The following TTN variants were observed in gnomAD, a reference collection of about 807,000 sequenced individuals.
TTN encodes the protein titin.
Under a neutral mutation model 3,223.0 loss-of-function variants are expected in TTN, and 1,525 were observed. The ratio of observed to expected loss-of-function variants is 0.47; its 90% confidence interval spans 0.45 to 0.49. The LOEUF (loss-of-function observed/expected upper bound fraction) is 0.49. Ranked by LOEUF, TTN falls within the 20% of genes least tolerant of loss-of-function variation. TTN has a pLI of 0.00. For synonymous variants in TTN, 14,094 were observed against 15,161.0 expected (o/e 0.93, Z 5.17); for missense variants, 40,786 against 43,424.0 (o/e 0.94, Z 5.40).
In TTN at chr2:178,593,758, A is replaced by G; in HGVS notation, c.58542T>C (p.Asn19514=). ...CCACTTCCTTCTTCTCAATAATATA[A>G]TTGGTGATTTTACTGCCTCCATCAT... ...PLDDGGSKIT[N]YIIEKKEVGK... Residue 19514 remains asparagine (N), a synonymous_variant, in exon 298 of 363, where the codon AAT becomes AAC. Coordinates refer to ENST00000589042, the MANE Select transcript of TTN (RefSeq NM_001267550.2). 2 of 1,613,238 alleles carry G rather than the reference A, an allele frequency of 1.2e-6. No individual in the cohort carries two copies. The highest frequency in any genetic ancestry group is 1.7e-6 in the Non-Finnish European group (2 of 1,179,602).
At position 178,768,003 on chromosome 2, in the gene TTN, A is replaced by C; in HGVS notation, c.9305+11T>G. 2.5e-6 allele frequency: 4 copies of C among 1,614,148 alleles called. No individual in the cohort carries two copies. The highest frequency in any genetic ancestry group is 3.4e-6 in the Non-Finnish European group (4 of 1,180,012). On this transcript the variant is annotated intron_variant, in intron 39 of 362. Coordinates refer to ENST00000589042, the MANE Select transcript of TTN (RefSeq NM_001267550.2). ...GGAATTACTGGAATGTAGCAAGACA[A>C]AACAACTGACCTGTCTGTGATCTGC... is the stretch of plus-strand genomic sequence containing the variant.
chr2:178,543,854 G>A lies in TTN; in HGVS notation c.96290C>T (p.Thr32097Ile), dbSNP rs1559126683. ...AENQSGKKSA[T>I]VLVKVYDTPG... ...CTTACCATAGACTTTAACAAGGACTGTTGCTGATTTCTTGCCAGATTGGTT... is the reference window on the plus strand; with the variant it reads ...CTTACCATAGACTTTAACAAGGACTATTGCTGATTTCTTGCCAGATTGGTT... Residue 32097 changes from threonine (T) to isoleucine (I), a missense_variant, in exon 346 of 363, where the codon ACA becomes ATA. By Grantham distance (89) the Thr-to-Ile change is moderately conservative (BLOSUM62 -1). Coordinates refer to ENST00000589042, the MANE Select transcript of TTN (RefSeq NM_001267550.2). 1 of 1,613,662 alleles carries A rather than the reference G, an allele frequency of 6.2e-7. No individual in the cohort carries two copies. Among genetic ancestry groups the A allele is most frequent in the South Asian group, 1.1e-5 (1 of 91,074 alleles).
chr2:178,678,819 G>A lies in TTN; in HGVS notation c.33754C>T (p.Pro11252Ser), dbSNP rs886055283. 4.4e-6 allele frequency: 7 copies of A among 1,593,358 alleles called. No homozygotes were observed. The highest frequency in any genetic ancestry group is 1.8e-5 in the Admixed American group (1 of 55,626). ...TTCTCCTCTGGCACAGGTTTCTTGG[G>A]CACTTCAGGAACTTCAAAGATATCA... is the stretch of plus-strand genomic sequence containing the variant. ...KPPPAKVPEV[P>S]KKPVPEEKVP... Residue 11252 changes from proline (P) to serine (S), a missense_variant, in exon 143 of 363, where the codon CCC becomes TCC. Pro to Ser is a moderately conservative substitution (Grantham distance 74). Transcript: ENST00000589042.
rs2075483248 is a variant in TTN, at chr2:178,704,199, C to T, written c.30171G>A (p.Gln10057=). 6.2e-7 allele frequency: 1 copy of T among 1,613,986 alleles called. No individual in the cohort carries two copies. The highest frequency in any genetic ancestry group is 2.2e-5 in the East Asian group (1 of 44,884). The change falls in exon 106 of 363, where the codon CAG becomes CAA. Residue 10057 remains glutamine (Q), a synonymous_variant. Coordinates refer to ENST00000589042, the MANE Select transcript of TTN (RefSeq NM_001267550.2). ...IADVRAEDQG[Q]YTCKYEDLET... is the part of the protein sequence containing the mutation. ...CAAGGTCTTCATATTTGCAGGTGTA[C>T]TGACCCTGGTCTTCTGCTCGAACAT...
chr2:178,537,772 C>T lies in TTN; in HGVS notation c.99435G>A (p.Arg33145=), dbSNP rs1692265633. Residue 33145 remains arginine (R), a synonymous_variant, in exon 355 of 363, where the codon CGG becomes CGA. Coordinates refer to ENST00000589042, the MANE Select transcript of TTN (RefSeq NM_001267550.2). ...YRFGKELIQS[R]KYKMSSDGRT... is the part of the protein sequence containing the mutation. ...GTCCATCTGAAGACATTTTGTATTT[C>T]CGGCTTTGTATGAGCTCTTTACCAA... The T allele has an allele frequency of 6.2e-7, 1 of 1,613,588 alleles. No homozygotes were observed.
In TTN at chr2:178,711,224, C is replaced by T. The variant is rs373598759; in HGVS notation, c.28012G>A (p.Gly9338Ser). 64 of 1,613,682 alleles carry T rather than the reference C, an allele frequency of 4.0e-5. No homozygotes were observed. Among genetic ancestry groups the T allele is most frequent in the African/African-American group, 6.7e-5 (5 of 74,882 alleles). ...TTTGGGCTGTCTTTCAATGGCTTGC[C>T]GTCTTTATACCAAGACACGGAGATA... is the stretch of plus-strand genomic sequence containing the variant. Reference protein sequence around the residue: ...EPISVSWYKDGKPLKDSPNVQ... With the variant: ...EPISVSWYKDSKPLKDSPNVQ... Residue 9338 changes from glycine to serine, a missense_variant, in exon 97 of 363, where the codon GGC becomes AGC. Transcript: ENST00000589042.
At position 178,621,195 on chromosome 2, in the gene TTN, C is replaced by A. The variant is rs1331081266; in HGVS notation, c.45523G>T (p.Val15175Phe). Residue 15175 changes from valine (V) to phenylalanine (F), a missense_variant, in exon 246 of 363, where the codon GTC becomes TTC. Val to Phe is a conservative substitution (Grantham distance 50). Transcript: ENST00000589042. Reference protein sequence around the residue: ...YDVIADGKKRVLVVKDATLQD... With the variant: ...YDVIADGKKRFLVVKDATLQD... ...AATGTGGCATCTTTCACAACTAGGA[C>A]CCTCTTTTTACCATCAGCAATAACG... is the stretch of plus-strand genomic sequence containing the variant. 1 of 1,612,302 alleles carries A rather than the reference C, an allele frequency of 6.2e-7. No individual in the cohort carries two copies. The highest frequency in any genetic ancestry group is 8.5e-7 in the Non-Finnish European group (1 of 1,179,208).
In TTN at chr2:178,776,817, G is replaced by A. The variant is rs587780490; in HGVS notation, c.5047C>T (p.Arg1683Ter). The change falls in exon 28 of 363, where the codon CGA (arginine) becomes TGA (stop). Residue 1683 changes from arginine (R) to a stop codon, truncating the protein, a stop_gained. Transcript: ENST00000589042. LOFTEE classifies it high-confidence loss of function. Reference sequence around the variant, plus strand: ...TCTTCCCATTGCTCTTGGCCATATCGCAAATGGAGGGGCTCCAGTTCTGGG... The same window carrying A: ...TCTTCCCATTGCTCTTGGCCATATCACAAATGGAGGGGCTCCAGTTCTGGG... ...AAPELEPLHL[R>*]YGQEQWEEGD... 1.9e-6 allele frequency: 3 copies of A among 1,614,028 alleles called. No individual in the cohort carries two copies. The highest frequency in any genetic ancestry group is 1.7e-6 in the Non-Finnish European group (2 of 1,179,992).
At position 178,681,736 on chromosome 2, in the gene TTN, G is replaced by T. The variant is rs2069457790; in HGVS notation, c.33097C>A (p.Pro11033Thr). The change falls in exon 136 of 363, where the codon CCA becomes ACA. Residue 11033 changes from proline (P) to threonine (T), a missense_variant and splice_region_variant. Transcript: ENST00000589042. ...GGCTTTACAGGGATAGGCTTCTCTG[G>T]TTCTTTAAAAGTACATACAAGGTAT... ...YEEHEEYITE[P>T]EKPIPVKPVP... The T allele has an allele frequency of 6.3e-7, 1 of 1,590,606 alleles. No individual in the cohort carries two copies. Among genetic ancestry groups the T allele is most frequent in the Admixed American group, 1.9e-5 (1 of 52,846 alleles).
At chr2:178,744,605 C>T in intron 47 of TTN, 1 of 929,822 alleles carries the variant, frequency 1.1e-6, no homozygotes, top group Non-Finnish European at 1.3e-6. Flanking sequence ...TTCAGTGAAA[C>T]TGATAGGAAA....
chr2:178,639,786 C>T lies in TTN; in HGVS notation c.40789G>A (p.Val13597Met), dbSNP rs1396659739. 1.3e-6 allele frequency: 2 copies of T among 1,586,974 alleles called. No individual in the cohort carries two copies. The highest frequency in any genetic ancestry group is 2.7e-5 in the African/African-American group (2 of 73,464). ...ACAGGAGGTGGTTTGATTGTTTTCA[C>T]TTCTGTAGAGAGAAGTCCATTGCAT... ...PEPKPKPEAE[V>M]KTIKPPPVEP... is the part of the protein sequence containing the mutation. The change falls in exon 223 of 363, where the codon GTG becomes ATG. Residue 13597 changes from valine (V) to methionine (M), a missense_variant and splice_region_variant. Val to Met is a conservative substitution (Grantham distance 21). Coordinates refer to ENST00000589042, the MANE Select transcript of TTN (RefSeq NM_001267550.2).
chr2:178,577,715 G>A lies in TTN; in HGVS notation c.68711C>T (p.Thr22904Ile), dbSNP rs779476151. 3 of 1,613,262 alleles carry A rather than the reference G, an allele frequency of 1.9e-6. No individual in the cohort carries two copies. In the African/African-American group the frequency reaches 4.0e-5, roughly 22 times the overall value. The stretch of plus-strand genomic sequence containing the variant: ...ATATTTTCCACCCTCAACAAGGTCA[G>A]TTACAGTAAAGGCACATTCTGGGAC... ...VNVPECAFTV[T>I]DLVEGGKYEF... The change falls in exon 323 of 363, where the codon ACT becomes ATT. Residue 22904 changes from threonine (T) to isoleucine (I), a missense_variant. Physicochemically the swap from Thr to Ile is moderately conservative, Grantham distance 89. Coordinates refer to ENST00000589042, the MANE Select transcript of TTN (RefSeq NM_001267550.2).
At chr2:178,791,786 A>G (rs1381236050) in intron 10 of TTN, among the ~76,000 whole-genome samples, 3 of 151,934 alleles carry the variant, frequency 2.0e-5, no homozygotes, top group Admixed American at 2.0e-4. Flanking sequence ...GGGTAACTGG[A>G]CTGGCATGAT....
At chr2:178,783,117 CT>C in intron 17 of TTN, 53 bp from the exon 18 acceptor site, 4 of 1,596,742 alleles carry the variant, frequency 2.5e-6, no homozygotes, top group Non-Finnish European at 3.4e-6. Context: ...TCATTAATCA[CT>C]TCTGTTTTGT....
intron 208 of TTN, 41 bp downstream of exon 208, chr2:178,651,202 G>C (rs1247797988): frequency 3.3e-6 from 5 of 1,529,686 alleles, no homozygotes; most frequent in Non-Finnish European, 4.5e-6. Context: ...TATTAGACAA[G>C]GGTGAGTGCT....
At position 178,565,123 on chromosome 2, in the gene TTN, G is replaced by A. The variant is rs1271620983; in HGVS notation, c.81009C>T (p.Cys27003=). 4 of 1,613,280 alleles carry A rather than the reference G, an allele frequency of 2.5e-6. No individual in the cohort carries two copies. Among genetic ancestry groups the A allele is most frequent in the Admixed American group, 1.7e-5 (1 of 59,966 alleles). The stretch of plus-strand genomic sequence containing the variant: ...TCTCTACAATGTAGTTGCTTATTTG[G>A]CAGCCACCAGTATAGGCTGGAGGTT... ...SWEPPAYTGG[C]QISNYIVEKR... Residue 27003 remains cysteine (C), a synonymous_variant, in exon 326 of 363, where the codon TGC becomes TGT. Coordinates refer to ENST00000589042, the MANE Select transcript of TTN (RefSeq NM_001267550.2).
intron 44 of TTN, among the ~76,000 whole-genome samples, chr2:178,758,525 T>A (rs1048943922): frequency 1.3e-5 from 2 of 152,184 alleles, no homozygotes; most frequent in African/African-American, 4.8e-5. Context: ...GAGAGGAGGA[T>A]GAATATAGCT....
chr2:178,579,861 A>G lies in TTN; in HGVS notation c.67349-13T>C. The G allele has an allele frequency of 6.2e-7, 1 of 1,612,434 alleles. No homozygotes were observed. The highest frequency in any genetic ancestry group is 8.5e-7 in the Non-Finnish European group (1 of 1,179,306). On this transcript the variant is annotated splice_polypyrimidine_tract_variant and intron_variant, in intron 318 of 362. Coordinates refer to ENST00000589042, the MANE Select transcript of TTN (RefSeq NM_001267550.2). ...GGTCCAGGAGTTTCTAAAGCAAAGG[A>G]GAAATGATAAGTGTAAGCCCCATAT... is the stretch of plus-strand genomic sequence containing the variant.
chr2:178,651,978 A>G lies in TTN; in HGVS notation c.39296-11T>C, dbSNP rs1248352820. The G allele has an allele frequency of 1.2e-6, 2 of 1,610,934 alleles. No individual in the cohort carries two copies. The highest frequency in any genetic ancestry group is 1.7e-6 in the Non-Finnish European group (2 of 1,178,466). On this transcript the variant is annotated splice_polypyrimidine_tract_variant and intron_variant, in intron 204 of 362. Transcript: ENST00000589042. ...CAGGCTCCTCGAACACTTTAAAGAC[A>G]TGAGCTCATTTTAATGCCAGAATTG...
Sources: gnomAD v4.1 joint callset for allele counts (sites outside exome capture counted in the v4.1 genomes callset) on GRCh38, gnomAD v4.1.1 for gene constraint, MANE v1.5 for transcripts, NCBI Gene and HGNC (gene_info 2026-07-23, HGNC 2026-07-21) for gene names.